Variants in SV2C observed in about 807,000 individuals in gnomAD.
SV2C encodes the protein synaptic vesicle glycoprotein 2C.
A neutral mutation model predicts 79.7 loss-of-function variants in SV2C; 49 were observed. The observed-to-expected ratio is 0.61, with a 90% CI of 0.49 to 0.78. The LOEUF is 0.78. SV2C is among the 30% of genes least tolerant of loss of function. The pLI is 0.00. For synonymous variants in SV2C, 334 were observed against 333.2 expected (o/e 1.00, Z -0.03); for missense variants, 833 against 912.9 (o/e 0.91, Z 1.13).
Position 76,232,665 on chromosome 5 carries a change from A to T in SV2C, c.913+22778A>T, listed in dbSNP as rs766832470. On this transcript the variant is annotated intron_variant, in intron 4 of 12. Coordinates refer to ENST00000502798, the MANE Select transcript of SV2C (RefSeq NM_014979.4). ...TTCAGCTTTCTACATATGGCTAGCC[A>T]GTTTTCCCAGCACCATTTATTAAAT... Among the ~76,000 whole-genome samples the T allele has an allele frequency of 2.5e-3, 370 of 147,300 alleles. 1 individual carries two copies. Among genetic ancestry groups the T allele is most frequent in the Non-Finnish European group, 4.1e-3 (277 of 67,814 alleles).
the SV2C span, among the ~76,000 whole-genome samples, chr5:76,072,749 C>G: frequency 6.6e-6 from 1 of 152,186 alleles, no homozygotes; most frequent in Non-Finnish European, 1.5e-5. Flanking sequence ...TCCCTTTTCA[C>G]CACATCCAGA....
the SV2C span, among the ~76,000 whole-genome samples, chr5:75,901,202 C>A: frequency 6.6e-6 from 1 of 152,136 alleles, no homozygotes; most frequent in Non-Finnish European, 1.5e-5. Flanking sequence ...TGTTTTTTCC[C>A]CATCTTTGTG....
chr5:76,240,499 C>T (rs1745752793), intron 4 of SV2C, among the ~76,000 whole-genome samples: 1 of 152,186 alleles, frequency 6.6e-6, no homozygotes, highest in African/African-American at 2.4e-5. Flanking sequence ...AATCAACCCT[C>T]AACTAAAAGA....
chr5:76,131,655 T>A lies in SV2C; in HGVS notation c.-96T>A. ...CTCTATTTCTTCTTTCGCAGTTCTG[T>A]TTTGAACCCAAAGTGGATGATGCTG... On this transcript the variant is annotated 5_prime_UTR_variant, in exon 2 of 13. Transcript: ENST00000502798. 4.0e-6 allele frequency: 4 copies of A among 1,009,928 alleles called. No individual in the cohort carries two copies. In the East Asian group the frequency reaches 9.9e-5, roughly 25 times the overall value. 62.6% of individuals were successfully genotyped at this position (1,009,928 alleles called of 1,614,324 possible). A position where few individuals can be genotyped will look rare whatever the true frequency, so the allele number is the denominator to read the frequency against.
chr5:76,062,165 A>T, the SV2C span, among the ~76,000 whole-genome samples: 4 of 152,040 alleles, frequency 2.6e-5, no homozygotes, highest in Admixed American at 2.6e-4. Context: ...GATGAGAAGG[A>T]GTCTGATAGA....
the SV2C span, chr5:75,921,786 T>A: frequency 6.4e-6 from 2 of 314,406 alleles, no homozygotes; most frequent in East Asian, 6.4e-5. Context: ...TGCCAAGGAT[T>A]GTTGTGAAGA....
At chr5:76,206,379 C>G (rs1436890046) in intron 3 of SV2C, among the ~76,000 whole-genome samples, 3 of 152,186 alleles carry the variant, frequency 2.0e-5, no homozygotes, top group Non-Finnish European at 4.4e-5. Context: ...CTGAGCAGTT[C>G]CAAGGGAGCT....
chr5:76,339,728 A>G (rs1332083121), intron 12 of SV2C, among the ~76,000 whole-genome samples: 1 of 151,286 alleles, frequency 6.6e-6, no homozygotes, highest in Non-Finnish European at 1.5e-5. Context: ...AAAAAAAAAA[A>G]GAAAAAAAAG....
rs973175838 is a variant in SV2C, at chr5:76,213,907, C to T, written c.913+4020C>T. Among the ~76,000 whole-genome samples the T allele has an allele frequency of 2.0e-5, 3 of 152,290 alleles. No homozygotes were observed. In the South Asian group the frequency reaches 6.2e-4, roughly 32 times the overall value. ...AATTCCTGGTAACCACTCTTAACTA[C>T]TCTCTCTTTCTATGAGTTCAACTTT... On this transcript the variant is annotated intron_variant, in intron 4 of 12. Coordinates refer to ENST00000502798, the MANE Select transcript of SV2C (RefSeq NM_014979.4).
chr5:75,891,917 A>C, the SV2C span, among the ~76,000 whole-genome samples: 1 of 152,046 alleles, frequency 6.6e-6, no homozygotes, highest in South Asian at 2.1e-4. Context: ...AGGGGCCTGC[A>C]ATGGTCCCTG....
At chr5:76,186,354 C>T (rs1285652455) in intron 2 of SV2C, among the ~76,000 whole-genome samples, 1 of 152,164 alleles carries the variant, frequency 6.6e-6, no homozygotes, top group African/African-American at 2.4e-5. Context: ...TTAGTCCATT[C>T]TCACACTGCT....
At chr5:76,312,811 G>A (rs535052502) in intron 12 of SV2C, among the ~76,000 whole-genome samples, 86 of 152,346 alleles carry the variant, frequency 5.6e-4, no homozygotes, top group Middle Eastern at 3.4e-3. Flanking sequence ...GGATCTGATT[G>A]TTCACACCTG....
chr5:75,964,862 A>T, the SV2C span, among the ~76,000 whole-genome samples: 2 of 152,200 alleles, frequency 1.3e-5, no homozygotes, highest in Non-Finnish European at 2.9e-5. Context: ...TGTTGTCATT[A>T]TGAAGGTTCT....
chr5:75,886,260 A>G, the SV2C span, among the ~76,000 whole-genome samples: 1 of 152,274 alleles, frequency 6.6e-6, no homozygotes, highest in East Asian at 1.9e-4. Flanking sequence ...AATTCTTACT[A>G]GGAAAGTTAC....
the SV2C span, among the ~76,000 whole-genome samples, chr5:76,001,113 A>T: frequency 6.6e-6 from 1 of 151,952 alleles, no homozygotes; most frequent in African/African-American, 2.4e-5. Context: ...ACCCACTAGA[A>T]GTGTGGAATT....
intron 4 of SV2C, among the ~76,000 whole-genome samples, chr5:76,224,700 A>G (rs1353280041): frequency 6.6e-6 from 1 of 151,618 alleles, no homozygotes; most frequent in Non-Finnish European, 1.5e-5. Context: ...TAACCTCAAA[A>G]TCCTTTTTCT....
At chr5:76,230,648 G>C (rs553775582) in intron 4 of SV2C, among the ~76,000 whole-genome samples, 1 of 152,168 alleles carries the variant, frequency 6.6e-6, no homozygotes, top group South Asian at 2.1e-4. Context: ...AATTATCTGG[G>C]CGTGATGGCG....
the SV2C span, among the ~76,000 whole-genome samples, chr5:75,936,248 A>T: frequency 3.9e-5 from 6 of 152,128 alleles, no homozygotes; most frequent in East Asian, 5.8e-4. Context: ...CTCCTGACAC[A>T]TCTGCACAAT....
At chr5:76,272,519 T>G (rs960243017) in intron 4 of SV2C, among the ~76,000 whole-genome samples, 1 of 152,352 alleles carries the variant, frequency 6.6e-6, no homozygotes, top group Admixed American at 6.5e-5. Context: ...GTTGCTAATA[T>G]GTGAAATAAG....
Sources: allele counts gnomAD v4.1 joint callset (sites outside exome capture counted in the v4.1 genomes callset), GRCh38; gene constraint gnomAD v4.1.1; transcripts MANE v1.5; gene names NCBI Gene and HGNC (gene_info 2026-07-23, HGNC 2026-07-21).